Variants in ADD2 observed in about 807,000 individuals in gnomAD.
ADD2 encodes the protein adducin 2.
Under a neutral mutation model 83.0 loss-of-function variants are expected in ADD2, and 23 were observed. That is an observed-to-expected ratio of 0.28 (90% CI 0.20 to 0.39). The LOEUF is 0.39. ADD2 is among the 10% of genes least tolerant of loss of function. The pLI is 1.00. For missense variants in ADD2, 758 were observed against 944.9 expected, an observed-to-expected ratio of 0.80 and a Z score of 2.59; for synonymous variants, 375 against 375.4, an observed-to-expected ratio of 1.00 and a Z score of 0.01.
intron 4 of ADD2, among the ~76,000 whole-genome samples, chr2:70,699,243 T>TA (rs1400636099): frequency 2.8e-4 from 42 of 150,672 alleles, no homozygotes; most frequent in East Asian, 7.8e-4. Flanking sequence ...TTCTGAACTG[T>TA]AAAAAAAAAG....
rs1553372468 is a variant in ADD2, at chr2:70,695,710, A to T, written c.555+11T>A. The T allele has an allele frequency of 2.5e-6, 4 of 1,612,852 alleles. No individual in the cohort carries two copies. On this transcript the variant is annotated intron_variant, in intron 6 of 15. Coordinates refer to ENST00000264436, the MANE Select transcript of ADD2 (RefSeq NM_001617.4). ...AATAAGGAGTGGGCAGTGATGCTGGACTGTACTCACCAGGCTGGACGCTGT... is the reference window on the plus strand; with the variant it reads ...AATAAGGAGTGGGCAGTGATGCTGGTCTGTACTCACCAGGCTGGACGCTGT...
At chr2:70,732,848 A>G (rs566479111) in intron 1 of ADD2, among the ~76,000 whole-genome samples, 1 of 152,244 alleles carries the variant, frequency 6.6e-6, no homozygotes, top group Admixed American at 6.5e-5. Flanking sequence ...TTGGGGGAGG[A>G]GGATGTGCAG....
Position 70,673,841 on chromosome 2 carries a change from C to A in ADD2, c.1742-835G>T, listed in dbSNP as rs187531458. On this transcript the variant is annotated intron_variant, in intron 14 of 15. Transcript: ENST00000264436. ...CGAACTGCTGACCTCAGGTGATCCA[C>A]CAGCCTTGGCCTCCCAACGTGCTGG... is the stretch of plus-strand genomic sequence containing the variant. Among the ~76,000 whole-genome samples the A allele has an allele frequency of 2.8e-4, 42 of 152,140 alleles. 1 individual carries two copies. The highest frequency in any genetic ancestry group is 1.6e-3 in the Admixed American group (24 of 15,304).
At position 70,702,495 on chromosome 2, in the gene ADD2, C is replaced by A. The variant is rs147055210; in HGVS notation, c.322+1826G>T. Among the ~76,000 whole-genome samples the A allele has an allele frequency of 2.6e-5, 4 of 152,204 alleles. No individual in the cohort carries two copies. In the East Asian group the frequency reaches 7.7e-4, roughly 29 times the overall value. On this transcript the variant is annotated intron_variant, in intron 4 of 15. Coordinates refer to ENST00000264436, the MANE Select transcript of ADD2 (RefSeq NM_001617.4). Reference sequence around the variant, plus strand: ...AGTTATTGTAAAGAATAAACTTGTACAAACAGTTGAGGAAAATTGACAAAT... The same window carrying A: ...AGTTATTGTAAAGAATAAACTTGTAAAAACAGTTGAGGAAAATTGACAAAT...
At chr2:70,672,621 C>A (rs572496907) in intron 15 of ADD2, among the ~76,000 whole-genome samples, 1 of 152,330 alleles carries the variant, frequency 6.6e-6, no homozygotes, top group South Asian at 2.1e-4. Flanking sequence ...CCGGCCATGT[C>A]TGAGTTGGGG....
chr2:70,712,941 T>C (rs898283689), intron 2 of ADD2, 125 bp downstream of exon 2: 6 of 211,244 alleles, frequency 2.8e-5, no homozygotes, highest in Non-Finnish European at 4.9e-5. Context: ...GGGGACTTCA[T>C]AGCAATGACC....
At chr2:70,692,595 G>A (rs782339710) in intron 6 of ADD2, 43 bp from the exon 7 acceptor site, 68 of 1,540,012 alleles carry the variant, frequency 4.4e-5, no homozygotes, top group Non-Finnish European at 5.1e-5. Context: ...CAGGGTGGCC[G>A]AGGCCCCGCA....
At chr2:70,692,297 CT>C (rs1671082952) in intron 7 of ADD2, 105 bp downstream of exon 7, 1 of 1,311,872 alleles carries the variant, frequency 7.6e-7, no homozygotes, top group South Asian at 1.9e-5. Flanking sequence ...CTCGCTTCAC[CT>C]TGGCCTGAGT....
chr2:70,729,785 C>T (rs1553378974), intron 1 of ADD2, among the ~76,000 whole-genome samples: 1 of 152,128 alleles, frequency 6.6e-6, no homozygotes, highest in Non-Finnish European at 1.5e-5. Flanking sequence ...ACTATTTAAA[C>T]CTTGTTTCTG....
Position 70,658,688 on chromosome 2 carries a change from TGTTTCC to T in ADD2, c.*4731_*4736del, listed in dbSNP as rs1675439283. 1 of 152,228 alleles carries T rather than the reference TGTTTCC, an allele frequency of 6.6e-6. No homozygotes were observed. Among genetic ancestry groups the T allele is most frequent in the Non-Finnish European group, 1.5e-5 (1 of 68,046 alleles). 9.4% of individuals were successfully genotyped at this position (152,228 alleles called of 1,614,324 possible). A position where few individuals can be genotyped will look rare whatever the true frequency, so the allele number is the denominator to read the frequency against. ...TGATGAGAGAGAATGTAAAAAGACC[TGTTTCC>T]TCTATGCTCAGTCAACTGCGACTGT... On this transcript the variant is annotated 3_prime_UTR_variant, in exon 16 of 16. Transcript: ENST00000264436.
chr2:70,677,899 G>A (rs1370186158), intron 11 of ADD2, 22 bp from the exon 12 acceptor site: 1 of 1,613,842 alleles, frequency 6.2e-7, no homozygotes, highest in Non-Finnish European at 8.5e-7. Context: ...CAAGGTCATG[G>A]GGCTGAGGTG....
chr2:70,671,030 T>C (rs1669871529), intron 15 of ADD2, among the ~76,000 whole-genome samples: 1 of 152,178 alleles, frequency 6.6e-6, no homozygotes, highest in Admixed American at 6.5e-5. Context: ...TTCCTGGCCC[T>C]TGTCCCACTC....
intron 13 of ADD2, chr2:70,675,102 C>A: frequency 8.6e-7 from 1 of 1,166,226 alleles, no homozygotes; most frequent in Non-Finnish European, 1.1e-6. Context: ...AGAAGGAAGA[C>A]ACACCTTTAT....
intron 1 of ADD2, among the ~76,000 whole-genome samples, chr2:70,757,460 A>G (rs775156682): frequency 2.6e-5 from 4 of 152,252 alleles, no homozygotes; most frequent in African/African-American, 9.6e-5. Flanking sequence ...GAAGTCTCAC[A>G]CACAGTATGG....
chr2:70,681,540 C>A (rs1297767185), intron 10 of ADD2, among the ~76,000 whole-genome samples: 1 of 152,172 alleles, frequency 6.6e-6, no homozygotes, highest in Non-Finnish European at 1.5e-5. Context: ...CATGGCATGG[C>A]CAGCCTCGCA....
In ADD2 at chr2:70,704,396, TGGA is replaced by T. The variant is rs1220799794; in HGVS notation, c.244_246del (p.Ser82del). 3.1e-6 allele frequency: 5 copies of T among 1,614,116 alleles called. No homozygotes were observed. In the East Asian group the frequency reaches 1.1e-4, roughly 36 times the overall value. On this transcript the variant is annotated inframe_deletion, in exon 4 of 16. Transcript: ENST00000264436. The stretch of plus-strand genomic sequence containing the variant: ...GCGATCTGTCGCAGGGCCCAGATGT[TGGA>T]GGAGTTGTTCCCCTTCTTCATCTGC...
At chr2:70,685,363 G>A (rs1198600716) in intron 9 of ADD2, among the ~76,000 whole-genome samples, 7 of 152,068 alleles carry the variant, frequency 4.6e-5, no homozygotes, top group African/African-American at 7.2e-5. Flanking sequence ...GGTGACCCCC[G>A]TCACCCTATG....
At chr2:70,736,334 C>T (rs535590342) in intron 1 of ADD2, among the ~76,000 whole-genome samples, 1 of 152,306 alleles carries the variant, frequency 6.6e-6, no homozygotes, top group South Asian at 2.1e-4. Flanking sequence ...GTTAAAATGT[C>T]ATCAGCATAA....
intron 1 of ADD2, among the ~76,000 whole-genome samples, chr2:70,714,534 G>A (rs1672364290): frequency 6.6e-6 from 1 of 152,228 alleles, no homozygotes; most frequent in African/African-American, 2.4e-5. Flanking sequence ...TGGTCCCTGA[G>A]CCCAGTCCTG....
Sources: allele counts gnomAD v4.1 joint callset (sites outside exome capture counted in the v4.1 genomes callset), GRCh38; gene constraint gnomAD v4.1.1; transcripts MANE v1.5; gene names NCBI Gene and HGNC (gene_info 2026-07-23, HGNC 2026-07-21).